PPCS: variants seen among roughly 807,000 people sequenced by gnomAD.
The protein encoded by PPCS is phosphopantothenate--cysteine ligase.
A neutral mutation model predicts 24.6 loss-of-function variants in PPCS; 17 were observed. That is an observed-to-expected ratio of 0.69 (90% CI 0.47 to 1.04). PPCS has a LOEUF of 1.04. Ranked by LOEUF, PPCS falls within the 50% of genes least tolerant of loss-of-function variation. PPCS has a pLI of 0.00. For missense variants in PPCS, 360 were observed against 402.8 expected (o/e 0.89, Z 0.91); for synonymous variants, 190 against 168.3 (o/e 1.13, Z -1.00).
chr1:42,467,777 AT>A (rs1195399240), intron 2 of PPCS: 4 of 152,224 alleles, frequency 2.6e-5, no homozygotes, highest in Non-Finnish European at 5.9e-5. Context: ...AATGGGGAAA[AT>A]ACAGGTAACT....
rs961368391 is a variant in PPCS, at chr1:42,459,849, A to T, written c.859A>T (p.Lys287Ter). The change falls in exon 3 of 3, where the codon AAA (lysine) becomes TAA (stop). Residue 287 changes from lysine to a stop codon, truncating the protein, a stop_gained. Transcript: ENST00000372561. LOFTEE classifies it high-confidence loss of function. The stretch of plus-strand genomic sequence containing the variant: ...ATTGCTATCAGAGGAAGAAATAGAA[A>T]AAGGCGTAGAGATAGAAGAGAAGAT... ...KLLLSEEEIE[K>*]GVEIEEKIVD... The T allele has an allele frequency of 1.2e-6, 2 of 1,614,114 alleles. No homozygotes were observed. The highest frequency in any genetic ancestry group is 1.7e-5 in the Admixed American group (1 of 60,004).
At position 42,472,669 on chromosome 1, in the gene PPCS, A is replaced by C. The variant is rs530126632; in HGVS notation, n.378-453A>C. On this transcript the variant is annotated intron_variant and non_coding_transcript_variant, in intron 2 of 2. Transcript: ENST00000471420. The stretch of plus-strand genomic sequence containing the variant: ...AGCTTTTTTTTTTTCCATTGTACAT[A>C]ATTTTCATTAAGTATATCATGTCAT... Among the ~76,000 whole-genome samples, 5 of 152,150 alleles carry C rather than the reference A, an allele frequency of 3.3e-5. No individual in the cohort carries two copies. In the East Asian group the frequency reaches 9.7e-4, roughly 29 times the overall value.
chr1:42,466,171 A>G (rs1643575347), downstream of PPCS, among the ~76,000 whole-genome samples: 1 of 152,196 alleles, frequency 6.6e-6, no homozygotes, highest in Non-Finnish European at 1.5e-5. Context: ...ACCTGACAGC[A>G]TATTTCAGTT....
chr1:42,456,862 G>C lies in PPCS; in HGVS notation c.297G>C (p.Gln99His). 3 of 1,613,470 alleles carry C rather than the reference G, an allele frequency of 1.9e-6. No homozygotes were observed. The highest frequency in any genetic ancestry group is 2.5e-6 in the Non-Finnish European group (3 of 1,180,046). ...AFPYAHRFPP[Q>H]TWLSALRPSG... ...CCTATGCCCACCGCTTCCCACCCCA[G>C]ACTTGGCTGTCCGCTCTGCGGCCTT... is the stretch of plus-strand genomic sequence containing the variant. Residue 99 changes from glutamine (Q) to histidine (H), a missense_variant, in exon 1 of 3, where the codon CAG becomes CAC. Gln to His is a conservative substitution (Grantham distance 24). Coordinates refer to ENST00000372561, the MANE Select transcript of PPCS (RefSeq NM_024664.4).
At chr1:42,471,314 G>A (rs1406006895) in intron 2 of PPCS, among the ~76,000 whole-genome samples, 2 of 152,016 alleles carry the variant, frequency 1.3e-5, no homozygotes, top group Non-Finnish European at 2.9e-5. Context: ...CTACAGCATG[G>A]GGATTATGCT....
intron 2 of PPCS, among the ~76,000 whole-genome samples, chr1:42,459,053 G>T (rs1557777752): frequency 1.3e-5 from 2 of 152,100 alleles, no homozygotes. Flanking sequence ...TGGTGGTAAG[G>T]TTGGCAGAGC....
downstream of PPCS, chr1:42,464,283 G>T (rs1168552275): frequency 3.3e-5 from 5 of 152,298 alleles, no homozygotes; most frequent in East Asian, 9.6e-4. Flanking sequence ...AATCAAAATT[G>T]CAGTATTGGA....
chr1:42,464,465 A>G (rs186261905), downstream of PPCS, among the ~76,000 whole-genome samples: 8 of 152,330 alleles, frequency 5.3e-5, no homozygotes, highest in Admixed American at 4.6e-4. Flanking sequence ...TGGAGAGGAG[A>G]TGATTGAAAT....
chr1:42,459,723 A>C lies in PPCS; in HGVS notation c.733A>C (p.Lys245Gln). The C allele has an allele frequency of 6.2e-7, 1 of 1,614,218 alleles. No individual in the cohort carries two copies. The highest frequency in any genetic ancestry group is 8.5e-7 in the Non-Finnish European group (1 of 1,180,038). ...DPAIVINRARKALEIYQHQVV... is the reference protein window; with the variant it reads ...DPAIVINRARQALEIYQHQVV... ...CGCCATTGTAATTAATCGAGCTCGG[A>C]AGGCTTTGGAAATTTATCAGCATCA... is the stretch of plus-strand genomic sequence containing the variant. Residue 245 changes from lysine to glutamine, a missense_variant, in exon 3 of 3, where the codon AAG becomes CAG. This residue lies in a region of PPCS where 116 missense variants were observed against 168.1 expected (regional missense o/e 0.69). Coordinates refer to ENST00000372561, the MANE Select transcript of PPCS (RefSeq NM_024664.4).
At chr1:42,466,524 A>G (rs917804316) in intron 2 of PPCS, among the ~76,000 whole-genome samples, 1 of 151,318 alleles carries the variant, frequency 6.6e-6, no homozygotes, top group Non-Finnish European at 1.5e-5. Flanking sequence ...TACTTTGGAC[A>G]GAATAGTTTT....
At chr1:42,467,666 T>C (rs1643632711) in intron 2 of PPCS, 1 of 152,250 alleles carries the variant, frequency 6.6e-6, no homozygotes, top group South Asian at 2.1e-4. Context: ...TAGCCTCTTC[T>C]CTGGAACTTG....
chr1:42,466,621 G>A (rs1377136971), intron 2 of PPCS, among the ~76,000 whole-genome samples: 1 of 151,096 alleles, frequency 6.6e-6, no homozygotes, highest in Non-Finnish European at 1.5e-5. Flanking sequence ...TTGAGATCTC[G>A]GCTCACTGCA....
downstream of PPCS, among the ~76,000 whole-genome samples, chr1:42,462,507 A>G (rs1204733038): frequency 6.6e-6 from 1 of 152,206 alleles, no homozygotes; most frequent in Non-Finnish European, 1.5e-5. Context: ...ATGCATGTAG[A>G]ACCAGCAAAA....
At position 42,470,522 on chromosome 1, in the gene PPCS, A is replaced by G. The variant is rs143022269; in HGVS notation, n.378-2600A>G. On this transcript the variant is annotated intron_variant and non_coding_transcript_variant, in intron 2 of 2. Transcript: ENST00000471420. ...ATACTTTTACACCAGTGTTCATAGC[A>G]GCATCATTCACAATAGTTGAAAGGT... Among the ~76,000 whole-genome samples, 794 of 152,374 alleles carry G rather than the reference A, an allele frequency of 5.2e-3. 8 individuals carry two copies. Among genetic ancestry groups the G allele is most frequent in the African/African-American group, 0.018 (767 of 41,582 alleles).
At chr1:42,465,107 A>G (rs962751350), downstream of PPCS, among the ~76,000 whole-genome samples, 2 of 152,166 alleles carry the variant, frequency 1.3e-5, no homozygotes, top group African/African-American at 4.8e-5. Flanking sequence ...AAATTTAAAA[A>G]CAATTTAACC....
At chr1:42,456,480 C>G, upstream of PPCS, 3 of 1,366,038 alleles carry the variant, frequency 2.2e-6, no homozygotes, top group Non-Finnish European at 1.9e-6. Context: ...CCACTCAGTA[C>G]GGCGCGGCGC....
Position 42,459,993 on chromosome 1 carries a change from A to T in PPCS, c.*67A>T. ...TAGAGATGGTGAAAACTACAAAAAA[A>T]ACCATGGCTTTCATATGGACAGATA... On this transcript the variant is annotated 3_prime_UTR_variant, in exon 3 of 3. Transcript: ENST00000372561. 1 of 1,508,786 alleles carries T rather than the reference A, an allele frequency of 6.6e-7. No individual in the cohort carries two copies. The highest frequency in any genetic ancestry group is 8.8e-7 in the Non-Finnish European group (1 of 1,137,430). The allele number at this position is 1,508,786 out of a possible 1,614,324, so 93.5% of individuals were successfully genotyped here. A position where few individuals can be genotyped will look rare whatever the true frequency, so the allele number is the denominator to read the frequency against.
chr1:42,460,343 G>T lies in PPCS; in HGVS notation c.*417G>T. 1 of 987,058 alleles carries T rather than the reference G, an allele frequency of 1.0e-6. No individual in the cohort carries two copies. The highest frequency in any genetic ancestry group is 1.2e-6 in the Non-Finnish European group (1 of 830,508). 61.1% of individuals were successfully genotyped at this position (987,058 alleles called of 1,614,324 possible). A position where few individuals can be genotyped will look rare whatever the true frequency, so the allele number is the denominator to read the frequency against. On this transcript the variant is annotated 3_prime_UTR_variant, in exon 3 of 3. Coordinates refer to ENST00000372561, the MANE Select transcript of PPCS (RefSeq NM_024664.4). Reference sequence around the variant, plus strand: ...TTAAAAAGATGAATAAACATATCTTGTTTAGGAAATGGATGTATAAAAAAA... The same window carrying T: ...TTAAAAAGATGAATAAACATATCTTTTTTAGGAAATGGATGTATAAAAAAA...
At chr1:42,461,485 G>A (rs1008794998), downstream of PPCS, among the ~76,000 whole-genome samples, 1 of 151,586 alleles carries the variant, frequency 6.6e-6, no homozygotes, top group Non-Finnish European at 1.5e-5. Flanking sequence ...ACAGGTGTGT[G>A]CCACCATGCC....
Sources: gnomAD v4.1 joint callset for allele counts (sites outside exome capture counted in the v4.1 genomes callset) on GRCh38, gnomAD v4.1.1 for gene constraint, gnomAD v4.1.1 regional missense constraint, MANE v1.5 for transcripts, NCBI Gene and HGNC (gene_info 2026-07-23, HGNC 2026-07-21) for gene names.